The following PRDM16 variants were observed in gnomAD, a reference collection of about 807,000 sequenced individuals.
PRDM16 encodes PR/SET domain 16, also known as histone-lysine N-methyltransferase PRDM16.
In PRDM16, 23 loss-of-function variants were observed where a neutral mutation model predicts 110.6. The observed-to-expected ratio is 0.21, with a 90% CI of 0.15 to 0.29. The LOEUF is 0.29. Among genes scored for constraint, PRDM16 ranks in the 10% least tolerant of loss-of-function variants. The pLI, the probability that PRDM16 is intolerant of heterozygous loss-of-function variation, is 1.00. For synonymous variants in PRDM16, 799 were observed against 781.8 expected, an observed-to-expected ratio of 1.02 and a Z score of -0.37; for missense variants, 1,615 against 1,794.3, an observed-to-expected ratio of 0.90 and a Z score of 1.81.
intron 3 of PRDM16, among the ~76,000 whole-genome samples, chr1:3,314,078 G>T (rs1045151382): frequency 6.9e-6 from 1 of 145,644 alleles, no homozygotes; most frequent in Non-Finnish European, 1.5e-5. Flanking sequence ...CACCGGGGGG[G>T]GGGGCGGGAA....
chr1:3,410,179 ATG>A (rs1643660909), intron 8 of PRDM16, among the ~76,000 whole-genome samples: 1 of 151,874 alleles, frequency 6.6e-6, no homozygotes, highest in Admixed American at 6.6e-5. Context: ...GCATGTGTAG[ATG>A]TGTGTGTGTT....
chr1:3,348,911 A>G (rs1029679201), intron 3 of PRDM16, among the ~76,000 whole-genome samples: 3 of 152,072 alleles, frequency 2.0e-5, no homozygotes, highest in Non-Finnish European at 2.9e-5. Flanking sequence ...CGTGGTGGGG[A>G]GAGGCACCTG....
chr1:3,100,705 G>A (rs1329524851), intron 1 of PRDM16, among the ~76,000 whole-genome samples: 1 of 151,974 alleles, frequency 6.6e-6, no homozygotes, highest in Admixed American at 6.5e-5. Flanking sequence ...TTCCCGTGAG[G>A]AAGATAGATA....
intron 3 of PRDM16, among the ~76,000 whole-genome samples, chr1:3,293,088 G>A (rs1011367009): frequency 6.6e-6 from 1 of 152,226 alleles, no homozygotes; most frequent in Non-Finnish European, 1.5e-5. Context: ...TGAGGGCAGG[G>A]ACTGCACCCT....
chr1:3,180,788 G>A (rs1031818310), intron 1 of PRDM16, among the ~76,000 whole-genome samples: 2 of 138,836 alleles, frequency 1.4e-5, no homozygotes, highest in Admixed American at 6.9e-5. Flanking sequence ...TAGAGGCTGG[G>A]GTCAGCTGAG....
chr1:3,392,408 T>C (rs546467172), intron 4 of PRDM16, among the ~76,000 whole-genome samples: 1 of 152,098 alleles, frequency 6.6e-6, no homozygotes. Flanking sequence ...ATGGAAAAAA[T>C]TCATTTATTC....
intron 2 of PRDM16, among the ~76,000 whole-genome samples, chr1:3,228,265 C>T (rs1005917039): frequency 6.6e-6 from 1 of 152,192 alleles, no homozygotes; most frequent in Admixed American, 6.5e-5. Context: ...TCGCGATAAA[C>T]GAGACGCCTT....
chr1:3,077,567 T>C (rs1012519504), intron 1 of PRDM16, among the ~76,000 whole-genome samples: 6 of 152,222 alleles, frequency 3.9e-5, no homozygotes, highest in Admixed American at 6.5e-5. Flanking sequence ...AGGTGCTTTT[T>C]CCTGGAATTT....
rs146493360 is a variant in PRDM16 at position 3,209,955 on chromosome 1, C to T, written c.387+23481C>T. On this transcript the variant is annotated intron_variant, in intron 2 of 16. Coordinates refer to ENST00000270722, the MANE Select transcript of PRDM16 (RefSeq NM_022114.4). The surrounding 1 kb of genome is among the most constrained non-coding windows in gnomAD (Gnocchi z 4.6). ...AACTCTTACTTAACATGGAAAATAT[C>T]GTAGCATTTTCTAGAGACATTTGCA... Among the ~76,000 whole-genome samples, 28 of 152,302 alleles carry T rather than the reference C, an allele frequency of 1.8e-4. No individual in the cohort carries two copies. The highest frequency in any genetic ancestry group is 5.3e-4 in the African/African-American group (22 of 41,566).
chr1:3,101,820 G>A (rs1642539155), intron 1 of PRDM16, among the ~76,000 whole-genome samples: 4 of 152,302 alleles, frequency 2.6e-5, no homozygotes, highest in East Asian at 1.9e-4. Flanking sequence ...GGTGACATCC[G>A]TGTTAGGGCA....
At position 3,143,947 on chromosome 1, in the gene PRDM16, G is replaced by A. The variant is rs1643598942; in HGVS notation, c.38-42178G>A. ...GTTAGTCGTAGTGAAGGCTCCACAA[G>A]CACTTTTGAGGCCAGGGGGAAGATG... On this transcript the variant is annotated intron_variant, in intron 1 of 16. Transcript: ENST00000270722. This position sits in a 1 kb window ranked among gnomAD's most constrained non-coding sequence, Gnocchi z 4.5. Among the ~76,000 whole-genome samples, 1 of 152,212 alleles carries A rather than the reference G, an allele frequency of 6.6e-6. No homozygotes were observed.
Position 3,081,240 on chromosome 1 carries a change from C to T in PRDM16, c.37+11944C>T, listed in dbSNP as rs952033554. On this transcript the variant is annotated intron_variant, in intron 1 of 16. Coordinates refer to ENST00000270722, the MANE Select transcript of PRDM16 (RefSeq NM_022114.4). This position sits in a 1 kb window ranked among gnomAD's most constrained non-coding sequence, Gnocchi z 4.6. ...TAATTACGGCGGCGGGACTTGGGTTCGAGGCCCCTCGCGGCTGTACCCCGA... is the reference window on the plus strand; with the variant it reads ...TAATTACGGCGGCGGGACTTGGGTTTGAGGCCCCTCGCGGCTGTACCCCGA... Among the ~76,000 whole-genome samples, 37 of 152,182 alleles carry T rather than the reference C, an allele frequency of 2.4e-4. No individual in the cohort carries two copies. Among genetic ancestry groups the T allele is most frequent in the Admixed American group, 1.7e-3 (26 of 15,292 alleles).
intron 3 of PRDM16, among the ~76,000 whole-genome samples, chr1:3,365,637 A>G (rs1642796095): frequency 1.3e-5 from 2 of 152,206 alleles, no homozygotes; most frequent in South Asian, 4.1e-4. Flanking sequence ...GCGGCCCTGA[A>G]TGTTAGCTGC....
rs559976817 is a variant in PRDM16, at chr1:3,265,215, C to T, written c.438+21078C>T. On this transcript the variant is annotated intron_variant, in intron 3 of 16. Transcript: ENST00000270722. This position sits in a 1 kb window ranked among gnomAD's most constrained non-coding sequence, Gnocchi z 4.5. ...TGAGACAGGAGCAGGGCTCTGGGTC[C>T]GGAGAAATTGCAACCATGGCTTGAC... is the stretch of plus-strand genomic sequence containing the variant. Among the ~76,000 whole-genome samples, 4 of 152,148 alleles carry T rather than the reference C, an allele frequency of 2.6e-5. No individual in the cohort carries two copies. The highest frequency in any genetic ancestry group is 2.1e-4 in the South Asian group (1 of 4,808).
chr1:3,284,397 C>T (rs147092882), intron 3 of PRDM16, among the ~76,000 whole-genome samples: 4 of 152,218 alleles, frequency 2.6e-5, no homozygotes, highest in East Asian at 1.9e-4. Flanking sequence ...GCCAGGTGGG[C>T]GTTCTCCTAT....
intron 3 of PRDM16, among the ~76,000 whole-genome samples, chr1:3,249,530 G>A (rs1639877529): frequency 1.4e-5 from 2 of 144,534 alleles, no homozygotes; most frequent in African/African-American, 5.2e-5. Flanking sequence ...ACCTACCCAT[G>A]CACTTTATTA....
At chr1:3,145,133 C>T (rs1643621480) in intron 1 of PRDM16, among the ~76,000 whole-genome samples, 1 of 152,222 alleles carries the variant, frequency 6.6e-6, no homozygotes, top group Non-Finnish European at 1.5e-5. Flanking sequence ...GTCCATGCCA[C>T]CCAGCCAGGC....
intron 3 of PRDM16, among the ~76,000 whole-genome samples, chr1:3,253,578 T>G (rs955329420): frequency 6.6e-6 from 1 of 151,836 alleles, no homozygotes; most frequent in African/African-American, 2.4e-5. Context: ...ATGGTGTATA[T>G]GTGCCACATT....
intron 2 of PRDM16, among the ~76,000 whole-genome samples, chr1:3,211,722 C>T (rs1276363494): frequency 3.3e-5 from 5 of 152,240 alleles, no homozygotes; most frequent in East Asian, 1.9e-4. Context: ...ACGGACAAGC[C>T]GGCCTGGGTC....
Sources: allele counts gnomAD v4.1 joint callset (sites outside exome capture counted in the v4.1 genomes callset), GRCh38; gene constraint gnomAD v4.1.1; non-coding constraint Gnocchi (gnomAD v3.1); transcripts MANE v1.5; gene names NCBI Gene and HGNC (gene_info 2026-07-23, HGNC 2026-07-21).